PCDHGA4: variants seen among roughly 807,000 people sequenced by gnomAD.
PCDHGA4 encodes the protein protocadherin gamma subfamily A, 4.
In PCDHGA4, 38 loss-of-function variants were observed where a neutral mutation model predicts 54.6. That is an observed-to-expected ratio of 0.70 (90% CI 0.54 to 0.91). The LOEUF (loss-of-function observed/expected upper bound fraction) is 0.91, where lower values mean the gene tolerates loss of function less well. Ranked by LOEUF, PCDHGA4 falls within the 40% of genes least tolerant of loss-of-function variation. The pLI is 0.00. For synonymous variants in PCDHGA4, 511 were observed against 512.9 expected, an observed-to-expected ratio of 1.00 and a Z score of 0.05; for missense variants, 1,298 against 1,220.9, an observed-to-expected ratio of 1.06 and a Z score of -0.94.
chr5:141,409,023 A>C, intron 1 of PCDHGA4: 1 of 1,614,044 alleles, frequency 6.2e-7, no homozygotes, highest in Non-Finnish European at 8.5e-7. Flanking sequence ...GAGGGGGTCA[A>C]TGCTGAGATA....
intron 1 of PCDHGA4, among the ~76,000 whole-genome samples, chr5:141,488,348 C>G (rs1231687770): frequency 3.2e-4 from 49 of 152,106 alleles, no homozygotes; most frequent in Admixed American, 3.2e-3. Context: ...TAGAAACAGC[C>G]ACCCTGTGCA....
intron 1 of PCDHGA4, among the ~76,000 whole-genome samples, chr5:141,382,012 A>G (rs1777864214): frequency 6.6e-6 from 1 of 151,520 alleles, no homozygotes; most frequent in Admixed American, 6.6e-5. Flanking sequence ...TATTTTTAGT[A>G]GAGACGGGGT....
intron 1 of PCDHGA4, among the ~76,000 whole-genome samples, chr5:141,464,132 G>A (rs1432411937): frequency 6.6e-6 from 1 of 152,076 alleles, no homozygotes; most frequent in Non-Finnish European, 1.5e-5. Flanking sequence ...GGGTGTGGTG[G>A]TGGGCGCCTG....
chr5:141,423,260 G>A (rs1402237346), intron 1 of PCDHGA4: 2 of 1,613,996 alleles, frequency 1.2e-6, no homozygotes, highest in South Asian at 1.1e-5. Flanking sequence ...GACCTCGGCA[G>A]CCTCGAGTCT....
In PCDHGA4 at chr5:141,414,483, A is replaced by G. The variant is rs756254490; in HGVS notation, c.2514+56862A>G. 20 of 1,613,826 alleles carry G rather than the reference A, an allele frequency of 1.2e-5. No homozygotes were observed. In the Admixed American group the frequency reaches 1.8e-4, roughly 15 times the overall value. ...CCACAGATGGGGGAAGTCCTCCTCT[A>G]TCAACGGAAGCTCACTTTATGCTAC... On this transcript the variant is annotated intron_variant, in intron 1 of 3. Transcript: ENST00000571252.
rs2099605934 is a variant in PCDHGA4, at chr5:141,485,057, C to G, written c.2515-9750C>G. On this transcript the variant is annotated intron_variant, in intron 1 of 3. Transcript: ENST00000571252. The surrounding 1 kb of genome is among the most constrained non-coding windows in gnomAD (Gnocchi z 5.7). ...GTAACCCTTGCGGCGCCGGCCGAAC[C>G]GCGCCAGAGCTGGCGCGGGGAAAGG... The G allele has an allele frequency of 1.2e-6, 1 of 843,720 alleles. No homozygotes were observed. Among genetic ancestry groups the G allele is most frequent in the Non-Finnish European group, 1.9e-6 (1 of 524,586 alleles). 52.3% of individuals were successfully genotyped at this position (843,720 alleles called of 1,614,324 possible).
chr5:141,391,359 C>T (rs2092363338), intron 1 of PCDHGA4: 1 of 149,724 alleles, frequency 6.7e-6, no homozygotes, highest in African/African-American at 2.5e-5. Flanking sequence ...GTTACTCAGG[C>T]TGTAGTGCAG....
At chr5:141,430,589 G>A in intron 1 of PCDHGA4, 1 of 529,266 alleles carries the variant, frequency 1.9e-6, no homozygotes, top group Non-Finnish European at 3.1e-6. Context: ...TGCTCGCCTT[G>A]CACGCGCCTG....
intron 1 of PCDHGA4, among the ~76,000 whole-genome samples, chr5:141,386,558 G>A (rs931142144): frequency 6.6e-5 from 10 of 151,826 alleles, no homozygotes; most frequent in African/African-American, 2.4e-4. Flanking sequence ...GTAGTATTTT[G>A]CACATGATAG....
At chr5:141,386,096 G>C (rs1029162742) in intron 1 of PCDHGA4, 7 of 152,214 alleles carry the variant, frequency 4.6e-5, no homozygotes, top group African/African-American at 1.7e-4. Flanking sequence ...CAGATGAAGT[G>C]TGTCTGTGGG....
intron 1 of PCDHGA4, among the ~76,000 whole-genome samples, chr5:141,406,925 G>A (rs1003832711): frequency 2.0e-5 from 3 of 152,268 alleles, no homozygotes; most frequent in African/African-American, 7.2e-5. Flanking sequence ...AGAGAATAAT[G>A]TATTATTTAA....
chr5:141,483,648 TTGTGTGTGTGTGTG>T (rs111458813), intron 1 of PCDHGA4, among the ~76,000 whole-genome samples: 1 of 149,592 alleles, frequency 6.7e-6, no homozygotes, highest in Non-Finnish European at 1.5e-5. Flanking sequence ...GGGTGTGTGT[TTGTGTGTGTGTGTG>T]TGTGTGTAAA....
intron 1 of PCDHGA4, chr5:141,427,761 G>A (rs1228905550): frequency 3.7e-6 from 5 of 1,366,246 alleles, no homozygotes; most frequent in Non-Finnish European, 4.1e-6. Flanking sequence ...CGTTACCACT[G>A]ACTTGGAGCT....
Position 141,355,976 on chromosome 5 carries a change from C to G in PCDHGA4, c.869C>G (p.Thr290Ser), listed in dbSNP as rs1322217907. The G allele has an allele frequency of 1.2e-6, 2 of 1,613,916 alleles. No individual in the cohort carries two copies. The highest frequency in any genetic ancestry group is 3.3e-5 in the Admixed American group (2 of 60,024). ...VSVRENVPVG[T>S]RLLTVKATDP... ...GTTCGTGAGAACGTTCCTGTAGGCA[C>G]TCGGCTACTCACCGTAAAAGCCACT... Residue 290 changes from threonine (T) to serine (S), a missense_variant, in exon 1 of 4, where the codon ACT (threonine) becomes AGT (serine). Thr to Ser is a moderately conservative substitution (Grantham distance 58). Transcript: ENST00000571252.
At chr5:141,388,539 G>T (rs747974278) in intron 1 of PCDHGA4, 1 of 1,613,740 alleles carries the variant, frequency 6.2e-7, no homozygotes. Context: ...GGACTTTGGA[G>T]CTCCACCCCT....
At chr5:141,469,249 C>T (rs1025813940) in intron 1 of PCDHGA4, among the ~76,000 whole-genome samples, 1 of 152,026 alleles carries the variant, frequency 6.6e-6, no homozygotes, top group Non-Finnish European at 1.5e-5. Flanking sequence ...TGCACTCCAG[C>T]TTGGGCAACA....
At chr5:141,495,814 T>C (rs2099764028) in intron 2 of PCDHGA4, among the ~76,000 whole-genome samples, 1 of 152,134 alleles carries the variant, frequency 6.6e-6, no homozygotes, top group Non-Finnish European at 1.5e-5. Context: ...TCCTAGCGCC[T>C]TGTGTTCTTC....
chr5:141,357,546 G>A lies in PCDHGA4; in HGVS notation c.2439G>A (p.Arg813=). 2 of 1,614,182 alleles carry A rather than the reference G, an allele frequency of 1.2e-6. No homozygotes were observed. The highest frequency in any genetic ancestry group is 1.7e-6 in the Non-Finnish European group (2 of 1,180,034). The change falls in exon 1 of 4, where the codon CGG becomes CGA. Residue 813 remains arginine (R), a synonymous_variant. Transcript: ENST00000571252. ...GCTATGCAGACACGCTCATCAGCCG[G>A]GAGAGTTGTGAGAAAAGCGAGCCTC... ...QPSYADTLIS[R]ESCEKSEPLL... is the part of the protein sequence containing the mutation.
intron 1 of PCDHGA4, chr5:141,392,848 A>C (rs374832992): frequency 1.2e-6 from 2 of 1,610,796 alleles, no homozygotes; most frequent in Non-Finnish European, 1.7e-6. Flanking sequence ...AGACGCGGCG[A>C]GCTGATCCTG....
Sources: gnomAD v4.1 joint callset for allele counts (sites outside exome capture counted in the v4.1 genomes callset) on GRCh38, gnomAD v4.1.1 for gene constraint, Gnocchi (gnomAD v3.1) non-coding constraint, MANE v1.5 for transcripts, NCBI Gene and HGNC (gene_info 2026-07-23, HGNC 2026-07-21) for gene names.